Variants in MCM10 observed in about 807,000 individuals in gnomAD.
MCM10 encodes protein MCM10 homolog.
Under a neutral mutation model 109.9 loss-of-function variants are expected in MCM10, and 91 were observed. That is an observed-to-expected ratio of 0.83 (90% CI 0.70 to 0.99). The LOEUF (loss-of-function observed/expected upper bound fraction) is 0.99. MCM10 is among the 50% of genes least tolerant of loss of function. MCM10 has a pLI of 0.00. For missense variants in MCM10, 1,077 were observed against 1,061.2 expected (o/e 1.01, Z -0.21); for synonymous variants, 380 against 387.2 (o/e 0.98, Z 0.22).
chr10:13,204,013 G>A (rs747631128), intron 17 of MCM10, among the ~76,000 whole-genome samples: 3 of 151,388 alleles, frequency 2.0e-5, no homozygotes, highest in Non-Finnish European at 4.4e-5. Flanking sequence ...TGGGACAAAC[G>A]TGAGAAACGG....
rs1444314174 is a variant in MCM10, at chr10:13,201,474, A to T, written c.2292A>T (p.Gln764His). ...TTGAGCCACTGGTGAAAAAAGAACA[A>T]ATGGAAGAAAAGATGAGAAACATCA... ...RYFEPLVKKE[Q>H]MEEKMRNIRE... The change falls in exon 17 of 20, where the codon CAA becomes CAT. Residue 764 changes from glutamine (Q) to histidine (H), a missense_variant. Transcript: ENST00000378714. 6.2e-7 allele frequency: 1 copy of T among 1,613,352 alleles called. No individual in the cohort carries two copies. Among genetic ancestry groups the T allele is most frequent in the South Asian group, 1.1e-5 (1 of 90,842 alleles).
chr10:13,189,388 T>C (rs1400774199), intron 10 of MCM10, among the ~76,000 whole-genome samples: 2 of 151,774 alleles, frequency 1.3e-5, no homozygotes, highest in Admixed American at 1.3e-4. Context: ...AGTGGTGCAG[T>C]CTCAGCTCAC....
intron 6 of MCM10, among the ~76,000 whole-genome samples, chr10:13,176,184 A>T (rs1203224039): frequency 6.6e-6 from 1 of 152,086 alleles, no homozygotes; most frequent in Non-Finnish European, 1.5e-5. Flanking sequence ...AAAAATAGCT[A>T]TGCTGTTTTT....
At chr10:13,190,489 G>A (rs115365468) in intron 10 of MCM10, among the ~76,000 whole-genome samples, 1,524 of 151,450 alleles carry the variant, frequency 0.01, 25 homozygotes, top group African/African-American at 0.035. Context: ...TTTGAGACCC[G>A]CCTGAGCGAC....
At chr10:13,166,649 AATAC>A (rs1174931053) in intron 2 of MCM10, among the ~76,000 whole-genome samples, 2 of 41,510 alleles carry the variant, frequency 4.8e-5, no homozygotes, top group African/African-American at 1.6e-4. Context: ...AAAAAAAAAA[AATAC>A]ATACATACAT....
In MCM10 at chr10:13,199,983, T is replaced by C. The variant is rs57778130; in HGVS notation, c.2238+1176T>C. On this transcript the variant is annotated intron_variant, in intron 16 of 19. Coordinates refer to ENST00000378714, the MANE Select transcript of MCM10 (RefSeq NM_018518.5). ...CTAGATAATGTACTTTTGGTGGGGG[T>C]TGGGGAGGTTTTGTTTTTTTTGAGA... Among the ~76,000 whole-genome samples the C allele has an allele frequency of 7.7e-3, 1,175 of 152,062 alleles. 20 individuals carry two copies. Among genetic ancestry groups the C allele is most frequent in the African/African-American group, 0.027 (1,117 of 41,486 alleles).
chr10:13,192,988 T>C (rs976792051), intron 13 of MCM10, among the ~76,000 whole-genome samples: 1 of 152,028 alleles, frequency 6.6e-6, no homozygotes, highest in African/African-American at 2.4e-5. Flanking sequence ...CAGGCTCAAA[T>C]GATCCTCCTG....
At chr10:13,168,452 C>A (rs901838726) in intron 2 of MCM10, among the ~76,000 whole-genome samples, 2 of 152,188 alleles carry the variant, frequency 1.3e-5, no homozygotes, top group African/African-American at 4.8e-5. Flanking sequence ...AGCTCCTGAA[C>A]TGATCTGTTT....
At chr10:13,200,924 C>T in intron 16 of MCM10, among the ~76,000 whole-genome samples, 1 of 152,210 alleles carries the variant, frequency 6.6e-6, no homozygotes, top group Middle Eastern at 3.2e-3. Context: ...GCAGGCAGAT[C>T]ACCTGAGGTC....
intron 15 of MCM10, 117 bp downstream of exon 15, chr10:13,197,884 A>ATTCTAT: frequency 1.0e-6 from 1 of 1,004,706 alleles, no homozygotes; most frequent in Non-Finnish European, 1.4e-6. Flanking sequence ...TCCTATATAG[A>ATTCTAT]ATACCTAAAT....
chr10:13,204,109 G>A (rs932486830), intron 17 of MCM10, 110 bp from the exon 18 acceptor site: 19 of 1,337,616 alleles, frequency 1.4e-5, no homozygotes, highest in Admixed American at 2.0e-5. Flanking sequence ...AAGGGCCCAG[G>A]TAGTGATGAG....
At chr10:13,165,670 T>C (rs1466614117) in intron 2 of MCM10, among the ~76,000 whole-genome samples, 5 of 151,354 alleles carry the variant, frequency 3.3e-5, no homozygotes, top group African/African-American at 1.2e-4. Context: ...AGGTCAGGAG[T>C]TCGAGGCCAG....
At position 13,182,620 on chromosome 10, in the gene MCM10, G is replaced by T. The variant is rs1834222742; in HGVS notation, c.931-313G>T. Among the ~76,000 whole-genome samples the T allele has an allele frequency of 6.6e-6, 1 of 152,004 alleles. No individual in the cohort carries two copies. The highest frequency in any genetic ancestry group is 2.4e-5 in the African/African-American group (1 of 41,356). On this transcript the variant is annotated intron_variant, in intron 7 of 19. Coordinates refer to ENST00000378714, the MANE Select transcript of MCM10 (RefSeq NM_018518.5). The surrounding 1 kb of genome is among the most constrained non-coding windows in gnomAD (Gnocchi z 4.2). The stretch of plus-strand genomic sequence containing the variant: ...TAATGATGTGTGTGTGTGTCTCTGT[G>T]TCATTAGAAAGGCAGTGCTATCCCA...
At position 13,197,698 on chromosome 10, in the gene MCM10, C is replaced by A; in HGVS notation, c.2050C>A (p.Gln684Lys). Residue 684 changes from glutamine to lysine, a missense_variant, in exon 15 of 20, where the codon CAA becomes AAA. Physicochemically the swap from Gln to Lys is moderately conservative, Grantham distance 53 (BLOSUM62 1). Coordinates refer to ENST00000378714, the MANE Select transcript of MCM10 (RefSeq NM_018518.5). Reference sequence around the variant, plus strand: ...AAACCCAAACAGCATTAAGAAGAAACAAAAGGACCCTCAGGACATCCTGGA... The same window carrying A: ...AAACCCAAACAGCATTAAGAAGAAAAAAAAGGACCCTCAGGACATCCTGGA... ...KTNPNSIKKK[Q>K]KDPQDILEVK... 1 of 1,613,932 alleles carries A rather than the reference C, an allele frequency of 6.2e-7. No individual in the cohort carries two copies. Among genetic ancestry groups the A allele is most frequent in the Non-Finnish European group, 8.5e-7 (1 of 1,179,976 alleles).
intron 8 of MCM10, 145 bp downstream of exon 8, chr10:13,183,245 C>T: frequency 2.3e-6 from 2 of 873,768 alleles, no homozygotes; most frequent in Non-Finnish European, 3.4e-6. Context: ...TCACTTGAGC[C>T]CAGGAGTTCA....
Position 13,201,531 on chromosome 10 carries a change from G to A in MCM10, c.2349G>A (p.Lys783=). The part of the protein sequence containing the change: ...REVKCRVVTC[K]TCAYTHFKLL... ...TGAAGTGCCGTGTCGTGACATGCAA[G>A]ACGGTGGGTGAAGGTGGGGGCTGCA... Residue 783 remains lysine (K), a synonymous_variant, in exon 17 of 20, where the codon AAG becomes AAA. Coordinates refer to ENST00000378714, the MANE Select transcript of MCM10 (RefSeq NM_018518.5). 10 of 1,605,552 alleles carry A rather than the reference G, an allele frequency of 6.2e-6. No individual in the cohort carries two copies. The highest frequency in any genetic ancestry group is 8.5e-6 in the Non-Finnish European group (10 of 1,175,620).
chr10:13,209,354 G>T lies in MCM10; in HGVS notation c.*44G>T. The stretch of plus-strand genomic sequence containing the variant: ...TCCCACAGACTTCCTGGCCTCCTGT[G>T]ACTCTGGAAAGCAAAGGATTGGCTG... On this transcript the variant is annotated 3_prime_UTR_variant, in exon 20 of 20. Coordinates refer to ENST00000378714, the MANE Select transcript of MCM10 (RefSeq NM_018518.5). 1.4e-6 allele frequency: 2 copies of T among 1,476,870 alleles called. No homozygotes were observed. The highest frequency in any genetic ancestry group is 1.1e-5 in the South Asian group (1 of 87,570). 91.5% of individuals were successfully genotyped at this position (1,476,870 alleles called of 1,614,324 possible).
intron 7 of MCM10, among the ~76,000 whole-genome samples, chr10:13,181,961 A>G (rs1834215656): frequency 6.6e-6 from 1 of 152,206 alleles, no homozygotes; most frequent in Admixed American, 6.5e-5. Flanking sequence ...GAGATAGTGC[A>G]AGTCAAGATT....
intron 17 of MCM10, 125 bp from the exon 18 acceptor site, chr10:13,204,094 C>T (rs919698603): frequency 1.4e-5 from 17 of 1,176,490 alleles, no homozygotes; most frequent in Non-Finnish European, 1.9e-5. Flanking sequence ...GCCCAGTCCC[C>T]TAGCAAGGGC....
Sources: gnomAD v4.1 joint callset for allele counts (sites outside exome capture counted in the v4.1 genomes callset) on GRCh38, gnomAD v4.1.1 for gene constraint, Gnocchi (gnomAD v3.1) non-coding constraint, MANE v1.5 for transcripts, NCBI Gene and HGNC (gene_info 2026-07-23, HGNC 2026-07-21) for gene names.